Variants in PBX1 observed in about 807,000 individuals in gnomAD.
PBX1 encodes PBX homeobox 1, also known as pre-B-cell leukemia transcription factor 1.
A neutral mutation model predicts 53.4 loss-of-function variants in PBX1; 6 were observed. The ratio of observed to expected loss-of-function variants is 0.11; its 90% CI spans 0.06 to 0.22. The LOEUF (loss-of-function observed/expected upper bound fraction) is 0.22, where lower values mean the gene tolerates loss of function less well. PBX1 is among the 10% of genes least tolerant of loss of function. The probability of loss-of-function intolerance (pLI) is 1.00; values close to 1 mark genes in which losing one functional copy is unlikely to be tolerated. For missense variants in PBX1, 251 were observed against 551.4 expected (o/e 0.46, Z 5.46); for synonymous variants, 204 against 212.3 (o/e 0.96, Z 0.34).
chr1:164,854,142 G>A (rs1487765072), downstream of PBX1: 2 of 151,948 alleles, frequency 1.3e-5, no homozygotes, highest in Non-Finnish European at 2.9e-5. Context: ...CTGGCCTCAA[G>A]TGATCCTCCT....
intron 2 of PBX1, among the ~76,000 whole-genome samples, chr1:164,573,948 A>G (rs949121221): frequency 2.6e-5 from 4 of 152,186 alleles, no homozygotes; most frequent in Non-Finnish European, 5.9e-5. Context: ...AGGAAGATAC[A>G]TGGTTGTTCC....
chr1:164,883,294 T>G (rs1672705158), intron 2 of PBX1, among the ~76,000 whole-genome samples: 1 of 152,192 alleles, frequency 6.6e-6, no homozygotes, highest in Non-Finnish European at 1.5e-5. Context: ...AAAATCTGTC[T>G]TCAGCTATTG....
intron 2 of PBX1, among the ~76,000 whole-genome samples, chr1:164,596,826 T>C (rs1655793868): frequency 6.6e-6 from 1 of 152,028 alleles, no homozygotes; most frequent in Non-Finnish European, 1.5e-5. Context: ...TCCACACTCA[T>C]CTCTGAGCTT....
chr1:164,849,288 T>G lies in PBX1; in HGVS notation c.*2612T>G. 6.5e-7 allele frequency: 1 copy of G among 1,534,386 alleles called. No homozygotes were observed. Among genetic ancestry groups the G allele is most frequent in the Non-Finnish European group, 8.7e-7 (1 of 1,145,946 alleles). On this transcript the variant is annotated 3_prime_UTR_variant, in exon 9 of 9. Coordinates refer to ENST00000420696, the MANE Select transcript of PBX1 (RefSeq NM_002585.4). ...GCCGTAGTTTTCACTGATGATCACC[T>G]TTCACAGCATTTTCCCCAACCAGCA...
At chr1:164,712,797 C>G (rs1341695547) in intron 2 of PBX1, among the ~76,000 whole-genome samples, 1 of 152,176 alleles carries the variant, frequency 6.6e-6, no homozygotes, top group African/African-American at 2.4e-5. Context: ...TCAGCGTCTC[C>G]GTGCAGTTGG....
intron 2 of PBX1, among the ~76,000 whole-genome samples, chr1:164,617,062 A>G (rs1302469998): frequency 1.3e-5 from 2 of 152,166 alleles, no homozygotes; most frequent in Non-Finnish European, 2.9e-5. Flanking sequence ...TTCATCTTAA[A>G]TATTATTTTA....
intron 2 of PBX1, among the ~76,000 whole-genome samples, chr1:164,660,102 A>G (rs1409774100): frequency 6.6e-6 from 1 of 152,154 alleles, no homozygotes; most frequent in Non-Finnish European, 1.5e-5. Context: ...ACCAAAGGAA[A>G]ATGAGGAGGG....
rs753464149 is a variant in PBX1, at chr1:164,563,244, T to C, written c.198T>C (p.His66=). The change falls in exon 2 of 9, where the codon CAT becomes CAC. Residue 66 remains histidine, a synonymous_variant. Coordinates refer to ENST00000420696, the MANE Select transcript of PBX1 (RefSeq NM_002585.4). ...QSLDEAQARK[H]ALNCHRMKPA... ...TGTTGTTTCTTTCTTGCAGAAAACATGCTTTAAACTGCCACAGAATGAAGC... is the reference window on the plus strand; with the variant it reads ...TGTTGTTTCTTTCTTGCAGAAAACACGCTTTAAACTGCCACAGAATGAAGC... 3 of 1,609,822 alleles carry C rather than the reference T, an allele frequency of 1.9e-6. No individual in the cohort carries two copies. The highest frequency in any genetic ancestry group is 1.7e-4 in the Middle Eastern group (1 of 6,046).
chr1:164,606,897 C>A (rs919832792), intron 2 of PBX1, among the ~76,000 whole-genome samples: 2 of 152,178 alleles, frequency 1.3e-5, no homozygotes, highest in African/African-American at 4.8e-5. Context: ...CTTATAAAAT[C>A]ATTTATTTAC....
At chr1:164,710,687 A>T (rs1256391429) in intron 2 of PBX1, among the ~76,000 whole-genome samples, 1 of 152,214 alleles carries the variant, frequency 6.6e-6, no homozygotes, top group African/African-American at 2.4e-5. Context: ...CTGGGATTAT[A>T]GGTGTGAACC....
chr1:164,807,442 C>G, intron 4 of PBX1, 100 bp from the exon 5 acceptor site: 2 of 1,442,776 alleles, frequency 1.4e-6, no homozygotes, highest in Non-Finnish European at 1.9e-6. Context: ...TCACCTTTTG[C>G]TCAAAAATTT....
intron 2 of PBX1, among the ~76,000 whole-genome samples, chr1:164,857,238 T>G (rs1671998570): frequency 6.6e-6 from 1 of 152,176 alleles, no homozygotes; most frequent in Non-Finnish European, 1.5e-5. Flanking sequence ...TTTGCTGGAA[T>G]AGCTCACAGG....
intron 2 of PBX1, among the ~76,000 whole-genome samples, chr1:164,786,524 C>G (rs1268386905): frequency 1.3e-5 from 2 of 152,096 alleles, no homozygotes; most frequent in Non-Finnish European, 2.9e-5. Context: ...TACAGTGGCT[C>G]TAACCATGAT....
chr1:164,704,218 A>G (rs1227857358), intron 2 of PBX1, among the ~76,000 whole-genome samples: 2 of 152,218 alleles, frequency 1.3e-5, no homozygotes, highest in Non-Finnish European at 2.9e-5. Context: ...GGGAAATATG[A>G]TAATAACTAT....
intron 2 of PBX1, among the ~76,000 whole-genome samples, chr1:164,661,125 T>C (rs1352686621): frequency 6.6e-6 from 1 of 152,220 alleles, no homozygotes; most frequent in South Asian, 2.1e-4. Context: ...TTACTATGTT[T>C]TTCTCTGTCT....
At chr1:164,693,381 A>G (rs1451771033) in intron 2 of PBX1, among the ~76,000 whole-genome samples, 3 of 152,260 alleles carry the variant, frequency 2.0e-5, no homozygotes, top group Non-Finnish European at 4.4e-5. Flanking sequence ...CAAATCAGGC[A>G]CTGAAAGCAC....
chr1:164,837,773 A>G (rs1045455939), intron 8 of PBX1, among the ~76,000 whole-genome samples: 15 of 152,170 alleles, frequency 9.9e-5, no homozygotes, highest in Non-Finnish European at 2.1e-4. Flanking sequence ...TAGCCTAAGG[A>G]CCTTAAGTCT....
In PBX1 at chr1:164,697,394, T is replaced by C. The variant is rs1162885200; in HGVS notation, c.266-95100T>C. Among the ~76,000 whole-genome samples, 4 of 152,232 alleles carry C rather than the reference T, an allele frequency of 2.6e-5. No individual in the cohort carries two copies. The East Asian group carries it at 7.7e-4, about 29-fold the overall frequency. On this transcript the variant is annotated intron_variant, in intron 2 of 8. Transcript: ENST00000420696. ...GACCCTCTTTCAGATTAATCACCTC[T>C]TCTACCATGCTCCTATAACAAAATT...
Position 164,848,637 on chromosome 1 carries a change from A to G in PBX1, c.*1961A>G, listed in dbSNP as rs1671684225. On this transcript the variant is annotated 3_prime_UTR_variant, in exon 9 of 9. Coordinates refer to ENST00000420696, the MANE Select transcript of PBX1 (RefSeq NM_002585.4). The stretch of plus-strand genomic sequence containing the variant: ...TTCTTAGGATAAAGAAAAACTTCCA[A>G]ACTAGAAAAACAGGCCCTGGTTCCC... The G allele has an allele frequency of 9.5e-7, 1 of 1,056,174 alleles. No individual in the cohort carries two copies. Among genetic ancestry groups the G allele is most frequent in the Non-Finnish European group, 1.1e-6 (1 of 873,646 alleles). 65.4% of individuals were successfully genotyped at this position (1,056,174 alleles called of 1,614,324 possible).
Sources: allele counts gnomAD v4.1 joint callset (sites outside exome capture counted in the v4.1 genomes callset), GRCh38; gene constraint gnomAD v4.1.1; transcripts MANE v1.5; gene names NCBI Gene and HGNC (gene_info 2026-07-23, HGNC 2026-07-21).